Variants in ATXN1 observed in about 807,000 individuals in gnomAD.
ATXN1 encodes ataxin 1, also known as ataxin-1.
In ATXN1, 8 loss-of-function variants were observed where a neutral mutation model predicts 56.4. The observed-to-expected ratio is 0.14, with a 90% CI of 0.08 to 0.26. ATXN1 has a LOEUF of 0.26. Ranked by LOEUF, ATXN1 falls within the 10% of genes least tolerant of loss-of-function variation. ATXN1 has a pLI of 1.00. For missense variants in ATXN1, 987 were observed against 1,106.5 expected (o/e 0.89, Z 1.53); for synonymous variants, 514 against 494.6 (o/e 1.04, Z -0.52).
At chr6:16,469,051 C>G (rs1383768851) in intron 6 of ATXN1, among the ~76,000 whole-genome samples, 1 of 152,160 alleles carries the variant, frequency 6.6e-6, no homozygotes, top group Non-Finnish European at 1.5e-5. Flanking sequence ...CCTTGGCTGT[C>G]CAAACCTTCT....
chr6:16,746,902 C>A (rs1438402436), intron 2 of ATXN1, among the ~76,000 whole-genome samples: 1 of 151,792 alleles, frequency 6.6e-6, no homozygotes, highest in East Asian at 1.9e-4. Context: ...AGAAGAGTCC[C>A]GAGAGATCAT....
intron 6 of ATXN1, among the ~76,000 whole-genome samples, chr6:16,404,225 G>A (rs1758638059): frequency 6.6e-6 from 1 of 152,082 alleles, no homozygotes. Flanking sequence ...CTTCCACAGG[G>A]CCTCTGAAAA....
In ATXN1 at chr6:16,728,702, G is replaced by C. The variant is rs796217717; in HGVS notation, c.-615+24531C>G. On this transcript the variant is annotated intron_variant, in intron 2 of 7. Coordinates refer to ENST00000436367, the MANE Select transcript of ATXN1 (RefSeq NM_001128164.2). Reference sequence around the variant, plus strand: ...CATTGACTATAATCCCCACTCTTCAGATGAAGAAACTGAGGCACAGATAGG... The same window carrying C: ...CATTGACTATAATCCCCACTCTTCACATGAAGAAACTGAGGCACAGATAGG... Among the ~76,000 whole-genome samples, 11 of 152,314 alleles carry C rather than the reference G, an allele frequency of 7.2e-5. 1 individual carries two copies. The highest frequency in any genetic ancestry group is 1.9e-4 in the East Asian group (1 of 5,192).
intron 4 of ATXN1, among the ~76,000 whole-genome samples, chr6:16,533,460 G>A (rs1449882022): frequency 6.6e-6 from 1 of 152,180 alleles, no homozygotes; most frequent in Non-Finnish European, 1.5e-5. Context: ...GATTCAGAGT[G>A]AGCTCTCACA....
chr6:16,593,088 T>C (rs896528221), intron 3 of ATXN1, among the ~76,000 whole-genome samples: 3 of 152,138 alleles, frequency 2.0e-5, no homozygotes. Context: ...AGAGCACTGA[T>C]TGGTGCATTT....
rs768316892 is a variant in ATXN1 at position 16,306,794 on chromosome 6, A to C, written c.1983T>G (p.Cys661Trp). 6.2e-7 allele frequency: 1 copy of C among 1,614,084 alleles called. No homozygotes were observed. Among genetic ancestry groups the C allele is most frequent in the Non-Finnish European group, 8.5e-7 (1 of 1,180,000 alleles). ...FVFGQGWSSC[C>W]PERTSQLFDL... Reference sequence around the variant, plus strand: ...CAAAGAGCTGGCTGGTTCTCTCCGGACAGCAGGATGACCAGCCCTGTCCAA... The same window carrying C: ...CAAAGAGCTGGCTGGTTCTCTCCGGCCAGCAGGATGACCAGCCCTGTCCAA... The change falls in exon 8 of 8, where the codon TGT (cysteine) becomes TGG (tryptophan). Residue 661 changes from cysteine to tryptophan, a missense_variant. Around this residue, in one of 3 missense-constraint regions of ATXN1, gnomAD observed 196 missense variants for 196.7 expected, o/e 1.00. Transcript: ENST00000436367. This position sits in a 1 kb window ranked among gnomAD's most constrained non-coding sequence, Gnocchi z 5.2.
intron 3 of ATXN1, among the ~76,000 whole-genome samples, chr6:16,655,877 G>T (rs111479179): frequency 0.035 from 5,378 of 151,800 alleles, 225 homozygotes; most frequent in African/African-American, 0.098. Flanking sequence ...ATCACCTGAG[G>T]TGAGGAGATC....
intron 6 of ATXN1, among the ~76,000 whole-genome samples, chr6:16,462,256 G>A (rs998938239): frequency 6.6e-6 from 1 of 152,074 alleles, no homozygotes; most frequent in Non-Finnish European, 1.5e-5. Flanking sequence ...TTCACTACAT[G>A]CGAGTTAAAC....
At chr6:16,346,027 G>T (rs1438088093) in intron 6 of ATXN1, among the ~76,000 whole-genome samples, 1 of 152,176 alleles carries the variant, frequency 6.6e-6, no homozygotes, top group African/African-American at 2.4e-5. Context: ...GACTGCATCC[G>T]GCAGGAAGTG....
At chr6:16,622,740 A>G (rs1050832913) in intron 3 of ATXN1, among the ~76,000 whole-genome samples, 2 of 152,196 alleles carry the variant, frequency 1.3e-5, no homozygotes, top group African/African-American at 4.8e-5. Context: ...CTTACTATGC[A>G]GGGTACTTAG....
intron 6 of ATXN1, among the ~76,000 whole-genome samples, chr6:16,400,196 C>T (rs1253913095): frequency 3.9e-5 from 6 of 152,248 alleles, no homozygotes. Flanking sequence ...ATTATTTCCA[C>T]TCTGCCCTCT....
At chr6:16,481,176 G>T (rs1443406939) in intron 6 of ATXN1, among the ~76,000 whole-genome samples, 1 of 152,160 alleles carries the variant, frequency 6.6e-6, no homozygotes, top group Non-Finnish European at 1.5e-5. Flanking sequence ...CAATCTGCAG[G>T]AGCATTACAA....
At chr6:16,654,300 CT>C (rs1196879327) in intron 3 of ATXN1, among the ~76,000 whole-genome samples, 2 of 152,114 alleles carry the variant, frequency 1.3e-5, no homozygotes, top group Non-Finnish European at 2.9e-5. Flanking sequence ...AATCTCAGCA[CT>C]TTGGAAGGCC....
At chr6:16,620,130 A>T (rs1184139372) in intron 3 of ATXN1, among the ~76,000 whole-genome samples, 5 of 152,130 alleles carry the variant, frequency 3.3e-5, no homozygotes, top group Admixed American at 2.6e-4. Context: ...ACCCCCCTCA[A>T]CCAAACTTTT....
intron 6 of ATXN1, among the ~76,000 whole-genome samples, chr6:16,422,044 AG>A (rs1759047647): frequency 6.8e-6 from 1 of 147,162 alleles, no homozygotes; most frequent in African/African-American, 2.5e-5. Flanking sequence ...GAAGTATATA[AG>A]GGTTTTTTTT....
intron 2 of ATXN1, among the ~76,000 whole-genome samples, chr6:16,682,038 T>C (rs1172698358): frequency 1.3e-5 from 2 of 152,072 alleles, no homozygotes; most frequent in Admixed American, 1.3e-4. Context: ...GCCGCTGTTC[T>C]CCTTCCGAAT....
intron 4 of ATXN1, among the ~76,000 whole-genome samples, chr6:16,583,998 C>T (rs1050655341): frequency 7.2e-5 from 11 of 151,746 alleles, no homozygotes; most frequent in Non-Finnish European, 1.2e-4. Context: ...GGAGTTTTAA[C>T]GATTTTAAAC....
chr6:16,742,813 T>A (rs756658454), intron 2 of ATXN1, among the ~76,000 whole-genome samples: 4 of 152,134 alleles, frequency 2.6e-5, no homozygotes, highest in Non-Finnish European at 4.4e-5. Context: ...CAGAAGAAGG[T>A]TTCATGGTCA....
chr6:16,497,896 A>C (rs927893719), intron 5 of ATXN1, among the ~76,000 whole-genome samples: 1 of 152,206 alleles, frequency 6.6e-6, no homozygotes, highest in African/African-American at 2.4e-5. Flanking sequence ...GAATAAGATG[A>C]AAATGGAATC....
Sources: allele counts gnomAD v4.1 joint callset (sites outside exome capture counted in the v4.1 genomes callset), GRCh38; gene constraint gnomAD v4.1.1; regional missense constraint gnomAD v4.1.1; non-coding constraint Gnocchi (gnomAD v3.1); transcripts MANE v1.5; gene names NCBI Gene and HGNC (gene_info 2026-07-23, HGNC 2026-07-21).